The following ADAMTSL1 variants were observed in gnomAD, a reference collection of about 807,000 sequenced individuals.
ADAMTSL1 encodes ADAMTS like 1, also known as ADAMTS-like protein 1.
A neutral mutation model predicts 201.8 loss-of-function variants in ADAMTSL1; 126 were observed. The ratio of observed to expected loss-of-function variants is 0.62; its 90% CI spans 0.54 to 0.72. The LOEUF (loss-of-function observed/expected upper bound fraction) is 0.72, where lower values mean the gene tolerates loss of function less well. Among genes scored for constraint, ADAMTSL1 ranks in the 30% least tolerant of loss-of-function variants. The pLI is 0.00. For missense variants in ADAMTSL1, 2,679 were observed against 2,277.8 expected (o/e 1.18, Z -3.59); for synonymous variants, 1,121 against 903.4 (o/e 1.24, Z -4.32).
intron 9 of ADAMTSL1, among the ~76,000 whole-genome samples, chr9:18,666,689 C>G (rs150224232): frequency 3.8e-4 from 58 of 152,204 alleles, no homozygotes; most frequent in African/African-American, 1.4e-3. Context: ...GCATTTTTAC[C>G]TCTTGGGTGA....
At chr9:18,734,093 A>G (rs979599985) in intron 15 of ADAMTSL1, among the ~76,000 whole-genome samples, 6 of 152,146 alleles carry the variant, frequency 3.9e-5, no homozygotes, top group African/African-American at 1.4e-4. Flanking sequence ...GGCCTTGGGC[A>G]GGTTGTTGAA....
intron 2 of ADAMTSL1, among the ~76,000 whole-genome samples, chr9:18,314,517 C>T (rs1018885338): frequency 1.3e-5 from 2 of 151,652 alleles, no homozygotes; most frequent in South Asian, 4.2e-4. Flanking sequence ...GTTGTTTGTT[C>T]CTCCAGTCCA....
chr9:18,908,833 C>T lies in ADAMTSL1; in HGVS notation c.*285C>T. 1 of 298,164 alleles carries T rather than the reference C, an allele frequency of 3.4e-6. No homozygotes were observed. 18.5% of individuals were successfully genotyped at this position (298,164 alleles called of 1,614,324 possible). A position where few individuals can be genotyped will look rare whatever the true frequency, so the allele number is the denominator to read the frequency against. ...TGGGGGCTCCCTTGAAGAGCTTCCT[C>T]CCTCCCAAACCTGGGTCTCAAAGAC... On this transcript the variant is annotated 3_prime_UTR_variant, in exon 29 of 29. Coordinates refer to ENST00000380548, the MANE Select transcript of ADAMTSL1 (RefSeq NM_001040272.6).
chr9:18,240,996 G>A (rs948145511), intron 2 of ADAMTSL1, among the ~76,000 whole-genome samples: 11 of 152,202 alleles, frequency 7.2e-5, no homozygotes, highest in Non-Finnish European at 1.6e-4. Context: ...TTTGACTTAA[G>A]AGAATATTGT....
intron 2 of ADAMTSL1, among the ~76,000 whole-genome samples, chr9:18,189,036 T>C (rs926218674): frequency 6.6e-5 from 10 of 152,178 alleles, no homozygotes; most frequent in African/African-American, 2.4e-4. Context: ...GGCTGAGCAA[T>C]GCTTGGATGA....
chr9:18,539,264 A>G (rs1461349244), intron 3 of ADAMTSL1, among the ~76,000 whole-genome samples: 4 of 152,188 alleles, frequency 2.6e-5, no homozygotes, highest in East Asian at 3.8e-4. Context: ...GCCACCATCA[A>G]TAAAGAGATA....
At chr9:18,880,107 T>C (rs1262549779) in intron 23 of ADAMTSL1, among the ~76,000 whole-genome samples, 7 of 152,180 alleles carry the variant, frequency 4.6e-5, no homozygotes, top group African/African-American at 1.7e-4. Context: ...TTACTTCTCA[T>C]ACTAGTTCTC....
In ADAMTSL1 at chr9:18,254,345, G is replaced by GTTTTTTTTTTTTTTT. The variant is rs59026505; in HGVS notation, c.207+90385_207+90399dup. 1.2e-4 allele frequency among the ~76,000 whole-genome samples: 6 copies of GTTTTTTTTTTTTTTT among 49,364 alleles called. 1 individual carries two copies. Among genetic ancestry groups the GTTTTTTTTTTTTTTT allele is most frequent in the Non-Finnish European group, 1.7e-4 (5 of 28,706 alleles). 32.4% of individuals were successfully genotyped at this position (49,364 alleles called of 152,430 possible). On this transcript the variant is annotated intron_variant, in intron 2 of 29. Transcript: ENST00000680146. ...GGAACTACCGTCAATACTCTTTTTGGTTTTTTTTTTTTTTTTTTTTTTTTT... is the reference window on the plus strand; with the variant it reads ...GGAACTACCGTCAATACTCTTTTTGGTTTTTTTTTTTTTTTTTTTTTTTTTTTTTTTTTTTTTTTT...
At chr9:18,119,022 A>T (rs1825384471) in intron 1 of ADAMTSL1, among the ~76,000 whole-genome samples, 1 of 152,292 alleles carries the variant, frequency 6.6e-6, no homozygotes, top group South Asian at 2.1e-4. Context: ...TGGCCCCTTC[A>T]CATACTGATC....
At chr9:18,846,137 A>G (rs375669420) in intron 23 of ADAMTSL1, among the ~76,000 whole-genome samples, 13 of 152,334 alleles carry the variant, frequency 8.5e-5, no homozygotes, top group Admixed American at 6.5e-4. Flanking sequence ...TTGAGCATCT[A>G]TTTACTATAC....
rs567214527 is a variant in ADAMTSL1 at position 18,076,556 on chromosome 9, G to A, written c.88-87306G>A. On this transcript the variant is annotated intron_variant, in intron 1 of 29. Transcript: ENST00000680146. Reference sequence around the variant, plus strand: ...CTAAGGAGCTGGACATTAGGAAGCTGTCTTGAGAAAGATAAAAAACACCTG... The same window carrying A: ...CTAAGGAGCTGGACATTAGGAAGCTATCTTGAGAAAGATAAAAAACACCTG... Among the ~76,000 whole-genome samples the A allele has an allele frequency of 3.3e-5, 5 of 152,314 alleles. No homozygotes were observed. The East Asian group carries it at 9.6e-4, about 29-fold the overall frequency.
At chr9:17,936,391 C>G (rs1198076491) in intron 1 of ADAMTSL1, among the ~76,000 whole-genome samples, 1 of 152,162 alleles carries the variant, frequency 6.6e-6, no homozygotes, top group Admixed American at 6.6e-5. Context: ...TGAAAGATTA[C>G]TGGTGACAGG....
At position 18,533,308 on chromosome 9, in the gene ADAMTSL1, T is replaced by C. The variant is rs373902111; in HGVS notation, c.237+16T>C. On this transcript the variant is annotated intron_variant, in intron 3 of 28. Coordinates refer to ENST00000380548, the MANE Select transcript of ADAMTSL1 (RefSeq NM_001040272.6). ...CAGTAATGTGGTAAGTATAAGGTTC[T>C]GAGATTGTAATCATGTATTTTTGTT... is the stretch of plus-strand genomic sequence containing the variant. 5 of 1,599,372 alleles carry C rather than the reference T, an allele frequency of 3.1e-6. No homozygotes were observed. In the East Asian group the frequency reaches 6.8e-5, roughly 22 times the overall value.
intron 7 of ADAMTSL1, among the ~76,000 whole-genome samples, chr9:18,654,520 T>C (rs1320378528): frequency 6.6e-6 from 1 of 152,230 alleles, no homozygotes; most frequent in Non-Finnish European, 1.5e-5. Context: ...TGAAAAATGA[T>C]GAGCAGGATA....
chr9:17,981,186 C>T (rs541763472), intron 1 of ADAMTSL1, among the ~76,000 whole-genome samples: 1 of 152,278 alleles, frequency 6.6e-6, no homozygotes, highest in South Asian at 2.1e-4. Flanking sequence ...CTCTGAAAAC[C>T]AGGAAGAATG....
intron 2 of ADAMTSL1, among the ~76,000 whole-genome samples, chr9:18,187,467 T>C (rs1828789271): frequency 6.6e-6 from 1 of 152,152 alleles, no homozygotes; most frequent in African/African-American, 2.4e-5. Context: ...TACCCAAATA[T>C]AGTTAAGATC....
intron 1 of ADAMTSL1, among the ~76,000 whole-genome samples, chr9:18,499,168 C>A (rs2131895979): frequency 6.6e-6 from 1 of 152,340 alleles, no homozygotes; most frequent in Non-Finnish European, 1.5e-5. Flanking sequence ...CATCATATCT[C>A]CCAACAGTGC....
chr9:17,913,308 T>A (rs1032270650), intron 1 of ADAMTSL1, among the ~76,000 whole-genome samples: 1 of 152,220 alleles, frequency 6.6e-6, no homozygotes, highest in South Asian at 2.1e-4. Context: ...TTTCATGATA[T>A]TGATTCTTCC....
intron 14 of ADAMTSL1, among the ~76,000 whole-genome samples, chr9:18,716,937 AG>A (rs1207967400): frequency 7.1e-6 from 1 of 141,388 alleles, no homozygotes; most frequent in East Asian, 2.0e-4. Context: ...TGTCCTTTGT[AG>A]GGACATGGAT....
Sources: gnomAD v4.1 joint callset for allele counts (sites outside exome capture counted in the v4.1 genomes callset) on GRCh38, gnomAD v4.1.1 for gene constraint, MANE v1.5 for transcripts, NCBI Gene and HGNC (gene_info 2026-07-23, HGNC 2026-07-21) for gene names.